RIMKLA: variants seen among roughly 807,000 people sequenced by gnomAD.
The protein encoded by RIMKLA is N-acetylaspartylglutamate synthase A.
RIMKLA carries 14 observed loss-of-function variants against 32.7 expected under a neutral mutation model. The ratio of observed to expected loss-of-function variants is 0.43; its 90% confidence interval spans 0.28 to 0.67. The LOEUF (loss-of-function observed/expected upper bound fraction) is 0.67. Ranked by LOEUF, RIMKLA falls within the 30% of genes least tolerant of loss-of-function variation. The probability of loss-of-function intolerance (pLI) is 0.18; values close to 1 mark genes in which losing one functional copy is unlikely to be tolerated. For missense variants in RIMKLA, 410 were observed against 519.0 expected (o/e 0.79, Z 2.04); for synonymous variants, 176 against 204.1 (o/e 0.86, Z 1.18).
intron 1 of RIMKLA, among the ~76,000 whole-genome samples, chr1:42,395,535 G>A (rs1643035983): frequency 6.9e-6 from 1 of 145,542 alleles, no homozygotes; most frequent in Non-Finnish European, 1.5e-5. Context: ...TTCTTGGAGG[G>A]CATGAGCCTC....
intron 1 of RIMKLA, among the ~76,000 whole-genome samples, chr1:42,383,834 G>GATATGGAA (rs1447995161): frequency 6.6e-6 from 1 of 152,190 alleles, no homozygotes; most frequent in African/African-American, 2.4e-5. Context: ...CTAGCCCAGT[G>GATATGGAA]ATATGGAATA....
intron 2 of RIMKLA, among the ~76,000 whole-genome samples, chr1:42,401,937 G>C (rs1643100788): frequency 6.6e-6 from 1 of 152,172 alleles, no homozygotes; most frequent in Admixed American, 6.5e-5. Flanking sequence ...CTAAAGCACA[G>C]TGGGCCAGGG....
In RIMKLA at chr1:42,419,965, G is replaced by A. The variant is rs879045431; in HGVS notation, c.*4991G>A. The A allele has an allele frequency of 1.3e-5, 2 of 152,168 alleles. No individual in the cohort carries two copies. The highest frequency in any genetic ancestry group is 6.6e-5 in the Admixed American group (1 of 15,266). 9.4% of individuals were successfully genotyped at this position (152,168 alleles called of 1,614,324 possible). A position where few individuals can be genotyped will look rare whatever the true frequency, so the allele number is the denominator to read the frequency against. The stretch of plus-strand genomic sequence containing the variant: ...GCACACCCAAGAAGAAATCCTGTTC[G>A]ATGCACATGCTCCAGTTTCAATCAG... On this transcript the variant is annotated 3_prime_UTR_variant, in exon 5 of 5. Transcript: ENST00000431473.
At chr1:42,414,377 T>A in intron 4 of RIMKLA, 107 bp from the exon 5 acceptor site, 1 of 1,166,032 alleles carries the variant, frequency 8.6e-7, no homozygotes, top group Non-Finnish European at 1.2e-6. Flanking sequence ...TTGTGATTAA[T>A]GATCGAGCCT....
At chr1:42,391,331 C>G (rs527883396) in intron 1 of RIMKLA, among the ~76,000 whole-genome samples, 7 of 152,244 alleles carry the variant, frequency 4.6e-5, no homozygotes, top group African/African-American at 1.7e-4. Flanking sequence ...CTGTAGACGA[C>G]TTGCACAAGA....
chr1:42,416,985 G>C lies in RIMKLA; in HGVS notation c.*2011G>C, dbSNP rs540130596. The C allele has an allele frequency of 1.1e-4, 17 of 152,326 alleles. No individual in the cohort carries two copies. Among genetic ancestry groups the C allele is most frequent in the African/African-American group, 3.8e-4 (16 of 41,572 alleles). 9.4% of individuals were successfully genotyped at this position (152,326 alleles called of 1,614,324 possible). ...AATACTTCACCTTTATATAGGTTAA[G>C]ATATGTACCTTATCTTTACCACTCA... On this transcript the variant is annotated 3_prime_UTR_variant, in exon 5 of 5. Transcript: ENST00000431473.
intron 1 of RIMKLA, among the ~76,000 whole-genome samples, chr1:42,389,671 G>T (rs1157352438): frequency 6.6e-6 from 1 of 151,968 alleles, no homozygotes; most frequent in Non-Finnish European, 1.5e-5. Context: ...AAATTTAGCC[G>T]GGCGTGGTGG....
At chr1:42,413,329 C>T (rs1333010911) in intron 4 of RIMKLA, among the ~76,000 whole-genome samples, 1 of 151,678 alleles carries the variant, frequency 6.6e-6, no homozygotes, top group African/African-American at 2.4e-5. Context: ...TGGTGAAACC[C>T]GTGTCTACTA....
intron 2 of RIMKLA, among the ~76,000 whole-genome samples, chr1:42,403,837 T>C (rs909860864): frequency 6.6e-6 from 1 of 152,170 alleles, no homozygotes; most frequent in Non-Finnish European, 1.5e-5. Flanking sequence ...TACCTGAAGT[T>C]TGGGGTCTTC....
rs35500484 is a variant in RIMKLA at position 42,385,717 on chromosome 1, CTCTTTCTTTCTTTCTTTCTTTCTTTCTT to C, written c.163+4646_163+4673del. Among the ~76,000 whole-genome samples, 92 of 109,104 alleles carry C rather than the reference CTCTTTCTTTCTTTCTTTCTTTCTTTCTT, an allele frequency of 8.4e-4. 2 individuals are homozygous for C. Among genetic ancestry groups the C allele is most frequent in the African/African-American group, 1.8e-3 (55 of 30,318 alleles). The allele number at this position is 109,104 out of a possible 152,430, so 71.6% of individuals were successfully genotyped here. ...TCCTAGATTTCCTTTTTCTTTCCTTCTCTTTCTTTCTTTCTTTCTTTCTTTCTTTCTTTCTTTCTTTCTTTCTTTCTTT... is the reference window on the plus strand; with the variant it reads ...TCCTAGATTTCCTTTTTCTTTCCTTCTCTTTCTTTCTTTCTTTCTTTCTTT... On this transcript the variant is annotated intron_variant, in intron 1 of 4. Transcript: ENST00000431473.
At chr1:42,398,494 T>C (rs1643066453) in intron 1 of RIMKLA, among the ~76,000 whole-genome samples, 1 of 152,180 alleles carries the variant, frequency 6.6e-6, no homozygotes, top group Non-Finnish European at 1.5e-5. Context: ...AAGTATAAAA[T>C]ATAAAGAAGA....
At position 42,401,686 on chromosome 1, in the gene RIMKLA, G is replaced by A. The variant is rs544043675; in HGVS notation, c.394+2052G>A. 3.3e-5 allele frequency among the ~76,000 whole-genome samples: 5 copies of A among 152,268 alleles called. No homozygotes were observed. The East Asian group carries it at 9.6e-4, about 29-fold the overall frequency. ...TTCAGTTTAGTGCTGGAGAGAGGGA[G>A]AAGGAAATAAATGGGAAGTTAGGAA... is the stretch of plus-strand genomic sequence containing the variant. On this transcript the variant is annotated intron_variant, in intron 2 of 4. Transcript: ENST00000431473.
At chr1:42,403,719 C>T (rs1025619747) in intron 2 of RIMKLA, among the ~76,000 whole-genome samples, 1 of 152,196 alleles carries the variant, frequency 6.6e-6, no homozygotes, top group African/African-American at 2.4e-5. Context: ...AAATGATACC[C>T]ATTGATTACC....
intron 3 of RIMKLA, among the ~76,000 whole-genome samples, chr1:42,406,540 A>C (rs752702156): frequency 6.6e-6 from 1 of 152,216 alleles, no homozygotes; most frequent in Non-Finnish European, 1.5e-5. Context: ...AGGTTCATCT[A>C]TGTTGTAGCA....
rs1184682581 is a variant in RIMKLA, at chr1:42,416,055, C to T, written c.*1081C>T. 1 of 137,748 alleles carries T rather than the reference C, an allele frequency of 7.3e-6. No homozygotes were observed. Among genetic ancestry groups the T allele is most frequent in the African/African-American group, 2.7e-5 (1 of 37,208 alleles). 8.5% of individuals were successfully genotyped at this position (137,748 alleles called of 1,614,324 possible). On this transcript the variant is annotated 3_prime_UTR_variant, in exon 5 of 5. Coordinates refer to ENST00000431473, the MANE Select transcript of RIMKLA (RefSeq NM_173642.4). ...CCCACTTTTCCAAACGGGGAAGACT[C>T]AGGTATCAGGAATTACCCATTGCAC...
At chr1:42,409,147 A>T (rs1643174791) in intron 3 of RIMKLA, among the ~76,000 whole-genome samples, 1 of 136,404 alleles carries the variant, frequency 7.3e-6, no homozygotes, top group African/African-American at 2.7e-5. Flanking sequence ...GGTTGCAGTG[A>T]GCCAAGATCG....
At chr1:42,395,360 G>GTTTTTTTTTTT (rs71962302) in intron 1 of RIMKLA, among the ~76,000 whole-genome samples, 1 of 138,722 alleles carries the variant, frequency 7.2e-6, no homozygotes. Context: ...GGTTGTTTTA[G>GTTTTTTTTTTT]TTTTTTTTTT....
At chr1:42,408,032 C>T (rs539897809) in intron 3 of RIMKLA, among the ~76,000 whole-genome samples, 5 of 152,148 alleles carry the variant, frequency 3.3e-5, no homozygotes, top group Non-Finnish European at 7.3e-5. Context: ...TCCGGAGAAC[C>T]CAGTGCATAT....
At chr1:42,408,173 G>A (rs1643163636) in intron 3 of RIMKLA, among the ~76,000 whole-genome samples, 1 of 152,020 alleles carries the variant, frequency 6.6e-6, no homozygotes, top group African/African-American at 2.4e-5. Context: ...ACACTTGCTG[G>A]GGCCTCTCCA....
Sources: allele counts gnomAD v4.1 joint callset (sites outside exome capture counted in the v4.1 genomes callset), GRCh38; gene constraint gnomAD v4.1.1; transcripts MANE v1.5; gene names NCBI Gene and HGNC (gene_info 2026-07-23, HGNC 2026-07-21).